The following HEPHL1 variants were observed in gnomAD, a reference collection of about 807,000 sequenced individuals.
The protein encoded by HEPHL1 is ferroxidase HEPHL1.
Under a neutral mutation model 122.0 loss-of-function variants are expected in HEPHL1, and 123 were observed. That is an observed-to-expected ratio of 1.01 (90% CI 0.87 to 1.17). The LOEUF (loss-of-function observed/expected upper bound fraction) is 1.17. HEPHL1 is among the 50% of genes most tolerant of loss of function. HEPHL1 has a pLI of 0.00. For synonymous variants in HEPHL1, 527 were observed against 508.9 expected (o/e 1.04, Z -0.48); for missense variants, 1,452 against 1,430.5 (o/e 1.01, Z -0.24).
intron 17 of HEPHL1, among the ~76,000 whole-genome samples, chr11:94,110,053 A>C (rs1232946776): frequency 3.9e-5 from 6 of 152,116 alleles, no homozygotes; most frequent in African/African-American, 1.4e-4. Context: ...AATCTTCAGG[A>C]GTTTGTGTCT....
intron 2 of HEPHL1, among the ~76,000 whole-genome samples, chr11:94,056,381 A>G (rs1357248500): frequency 1.3e-5 from 2 of 152,010 alleles, no homozygotes; most frequent in African/African-American, 4.8e-5. Flanking sequence ...TATATTTGTC[A>G]TTTTGCTAAT....
At chr11:94,096,015 T>G (rs1946309155) in intron 13 of HEPHL1, among the ~76,000 whole-genome samples, 1 of 152,178 alleles carries the variant, frequency 6.6e-6, no homozygotes, top group African/African-American at 2.4e-5. Flanking sequence ...CTTTATTTCT[T>G]TCTCCTGCCT....
chr11:94,093,722 G>T, intron 13 of HEPHL1, 82 bp downstream of exon 13: 1 of 1,463,416 alleles, frequency 6.8e-7, no homozygotes, highest in Middle Eastern at 2.0e-4. Flanking sequence ...TACACTTGTG[G>T]CTAAGAAAGG....
Position 94,093,989 on chromosome 11 carries a change from T to G in HEPHL1, c.2434+349T>G, listed in dbSNP as rs1328259724. ...TCCAGCAGATATATATATATATATA[T>G]ATATATATATATATATATATATATA... On this transcript the variant is annotated intron_variant, in intron 13 of 19. Coordinates refer to ENST00000315765, the MANE Select transcript of HEPHL1 (RefSeq NM_001098672.2). 7.7e-3 allele frequency among the ~76,000 whole-genome samples: 663 copies of G among 86,146 alleles called. 47 individuals carry two copies. Among genetic ancestry groups the G allele is most frequent in the African/African-American group, 0.036 (622 of 17,052 alleles). 56.5% of individuals were successfully genotyped at this position (86,146 alleles called of 152,430 possible). A position where few individuals can be genotyped will look rare whatever the true frequency, so the allele number is the denominator to read the frequency against.
intron 12 of HEPHL1, among the ~76,000 whole-genome samples, chr11:94,089,826 G>T (rs1345318585): frequency 6.6e-6 from 1 of 152,104 alleles, no homozygotes; most frequent in Non-Finnish European, 1.5e-5. Context: ...AGTTAGAACT[G>T]AACATAGATC....
At chr11:94,083,819 G>T (rs1304527958) in intron 10 of HEPHL1, among the ~76,000 whole-genome samples, 1 of 151,932 alleles carries the variant, frequency 6.6e-6, no homozygotes, top group Non-Finnish European at 1.5e-5. Context: ...TATGAATATT[G>T]TTTCCAAACT....
chr11:94,073,475 C>CG, intron 8 of HEPHL1, 36 bp downstream of exon 8: 1 of 1,546,680 alleles, frequency 6.5e-7, no homozygotes, highest in Non-Finnish European at 8.7e-7. Flanking sequence ...GGAAACAGGA[C>CG]GGGTGAGCAA....
At position 94,052,049 on chromosome 11, in the gene HEPHL1, G is replaced by A. The variant is rs549479290; in HGVS notation, c.415+6132G>A. 3.3e-5 allele frequency among the ~76,000 whole-genome samples: 5 copies of A among 152,170 alleles called. No homozygotes were observed. The South Asian group carries it at 1.0e-3, about 32-fold the overall frequency. On this transcript the variant is annotated intron_variant, in intron 2 of 19. Transcript: ENST00000315765. Reference sequence around the variant, plus strand: ...CCATTTGGGTTACTATAGCTCTGTAGTATAATTTGAAGTCAGGTAATGTGA... The same window carrying A: ...CCATTTGGGTTACTATAGCTCTGTAATATAATTTGAAGTCAGGTAATGTGA...
chr11:94,046,222 G>T (rs528985884), intron 2 of HEPHL1, among the ~76,000 whole-genome samples: 5 of 147,582 alleles, frequency 3.4e-5, no homozygotes, highest in African/African-American at 1.2e-4. Context: ...AGCCTCTCTA[G>T]TGCTGGGATT....
intron 9 of HEPHL1, among the ~76,000 whole-genome samples, chr11:94,078,127 A>C (rs890492690): frequency 1.3e-5 from 2 of 152,064 alleles, no homozygotes; most frequent in African/African-American, 2.4e-5. Flanking sequence ...ACATGCAACA[A>C]ATATTTCTGG....
rs181709957 is a variant in HEPHL1 at position 94,077,565 on chromosome 11, T to C, written c.1716+2180T>C. ...ATATTCTTTTAGTTATTTTCAAATG[T>C]ACAATTAAGGTGACTATAGTCACCC... On this transcript the variant is annotated intron_variant, in intron 9 of 19. Coordinates refer to ENST00000315765, the MANE Select transcript of HEPHL1 (RefSeq NM_001098672.2). Among the ~76,000 whole-genome samples the C allele has an allele frequency of 8.0e-4, 122 of 152,326 alleles. 2 individuals carry two copies. Among genetic ancestry groups the C allele is most frequent in the Non-Finnish European group, 8.8e-5 (6 of 68,032 alleles).
intron 9 of HEPHL1, among the ~76,000 whole-genome samples, chr11:94,079,049 T>C (rs1946148734): frequency 6.6e-6 from 1 of 152,216 alleles, no homozygotes; most frequent in Non-Finnish European, 1.5e-5. Context: ...GGTTCTTCAA[T>C]GCAACTCCTT....
chr11:94,095,881 CTT>C (rs1347366221), intron 13 of HEPHL1, among the ~76,000 whole-genome samples: 1 of 152,154 alleles, frequency 6.6e-6, no homozygotes, highest in Admixed American at 6.5e-5. Flanking sequence ...TATCCTGAGA[CTT>C]TGCTGAAGTT....
intron 10 of HEPHL1, 121 bp from the exon 11 acceptor site, chr11:94,085,856 C>A: frequency 4.4e-6 from 3 of 680,504 alleles, no homozygotes; most frequent in East Asian, 2.7e-5. Context: ...CACCATGTGG[C>A]TTTTCCCTGG....
At chr11:94,063,114 G>C (rs1035334100) in intron 2 of HEPHL1, among the ~76,000 whole-genome samples, 4 of 152,148 alleles carry the variant, frequency 2.6e-5, no homozygotes, top group Non-Finnish European at 5.9e-5. Context: ...AAGTCCCCAA[G>C]AAGTGTTTAT....
chr11:94,074,721 C>T (rs1946106137), intron 8 of HEPHL1, among the ~76,000 whole-genome samples: 1 of 152,126 alleles, frequency 6.6e-6, no homozygotes. Flanking sequence ...CACTAAACTC[C>T]TCTATCTTGT....
intron 12 of HEPHL1, 54 bp from the exon 13 acceptor site, chr11:94,093,447 T>C: frequency 1.2e-6 from 2 of 1,605,872 alleles, no homozygotes; most frequent in East Asian, 2.2e-5. Context: ...TTAGAAGCGC[T>C]CAAAGCTTTT....
At chr11:94,050,666 A>G (rs762705232) in intron 2 of HEPHL1, among the ~76,000 whole-genome samples, 66 of 152,262 alleles carry the variant, frequency 4.3e-4, no homozygotes, top group Middle Eastern at 3.4e-3. Context: ...TGTTTCAGAC[A>G]ATCCAATTAT....
chr11:94,109,337 G>A (rs1263750054), intron 17 of HEPHL1, among the ~76,000 whole-genome samples: 1 of 152,100 alleles, frequency 6.6e-6, no homozygotes, highest in Non-Finnish European at 1.5e-5. Context: ...CAATCTGTAT[G>A]TCTTTTATTT....
Sources: allele counts gnomAD v4.1 joint callset (sites outside exome capture counted in the v4.1 genomes callset), GRCh38; gene constraint gnomAD v4.1.1; transcripts MANE v1.5; gene names NCBI Gene and HGNC (gene_info 2026-07-23, HGNC 2026-07-21).